UBE2L3: variants seen among roughly 807,000 people sequenced by gnomAD.
UBE2L3 encodes ubiquitin conjugating enzyme E2 L3, also known as ubiquitin-conjugating enzyme E2 L3.
UBE2L3 carries 1 observed loss-of-function variant against 17.8 expected under a neutral mutation model. That is an observed-to-expected ratio of 0.06 (90% CI 0.02 to 0.27). The LOEUF is 0.27. UBE2L3 is among the 10% of genes least tolerant of loss of function. The pLI is 1.00. For missense variants in UBE2L3, 40 were observed against 192.6 expected (o/e 0.21, Z 4.69); for synonymous variants, 44 against 68.5 (o/e 0.64, Z 1.76).
At chr22:21,620,706 G>T (rs1173246436) in intron 3 of UBE2L3, among the ~76,000 whole-genome samples, 2 of 152,272 alleles carry the variant, frequency 1.3e-5, no homozygotes, top group East Asian at 3.9e-4. Context: ...TGCGATGGCG[G>T]TTGTCAGCTT....
At chr22:21,585,165 C>T (rs1193848433) in intron 1 of UBE2L3, among the ~76,000 whole-genome samples, 2 of 152,132 alleles carry the variant, frequency 1.3e-5, no homozygotes, top group African/African-American at 2.4e-5. Flanking sequence ...ATGTGGTCTT[C>T]TAAAGTATGG....
chr22:21,567,779 C>A lies in UBE2L3; in HGVS notation c.27+8C>A. ...AGCAGGAGGCTGATGAAGGTAAAAGCCATTCTCTGGCAGCGGCCGGGCGTG... is the reference window on the plus strand; with the variant it reads ...AGCAGGAGGCTGATGAAGGTAAAAGACATTCTCTGGCAGCGGCCGGGCGTG... On this transcript the variant is annotated splice_region_variant and intron_variant, in intron 1 of 3. Coordinates refer to ENST00000342192, the MANE Select transcript of UBE2L3 (RefSeq NM_003347.4). The A allele has an allele frequency of 6.3e-7, 1 of 1,580,864 alleles. No homozygotes were observed. The highest frequency in any genetic ancestry group is 8.6e-7 in the Non-Finnish European group (1 of 1,164,796).
Position 21,554,738 on chromosome 22 carries a change from C to T in UBE2L3, c.201+5088C>T, listed in dbSNP as rs1205639501. Among the ~76,000 whole-genome samples the T allele has an allele frequency of 1.0e-4, 14 of 139,552 alleles. No homozygotes were observed. In the East Asian group the frequency reaches 2.9e-3, roughly 29 times the overall value. 91.6% of individuals were successfully genotyped at this position (139,552 alleles called of 152,430 possible). A position where few individuals can be genotyped will look rare whatever the true frequency, so the allele number is the denominator to read the frequency against. On this transcript the variant is annotated intron_variant, in intron 1 of 3. Transcript: ENST00000458578. ...GAGCTCACCATGCTGCTGCCTTCTCCAGGTTCAACTTTCTCACCTATTAAA... is the reference window on the plus strand; with the variant it reads ...GAGCTCACCATGCTGCTGCCTTCTCTAGGTTCAACTTTCTCACCTATTAAA...
chr22:21,604,447 T>C (rs1298758738), intron 2 of UBE2L3, among the ~76,000 whole-genome samples: 1 of 152,112 alleles, frequency 6.6e-6, no homozygotes, highest in Non-Finnish European at 1.5e-5. Context: ...GTTGCAGTGC[T>C]GAGATCCCAC....
intron 1 of UBE2L3, among the ~76,000 whole-genome samples, chr22:21,557,786 G>C: frequency 6.6e-6 from 1 of 152,376 alleles, no homozygotes; most frequent in East Asian, 1.9e-4. Flanking sequence ...CTTCCAAAGT[G>C]CTGGGATTAC....
chr22:21,575,776 TG>T (rs1190350485), intron 1 of UBE2L3, among the ~76,000 whole-genome samples: 1 of 148,992 alleles, frequency 6.7e-6, no homozygotes, highest in Non-Finnish European at 1.5e-5. Context: ...CCCGAGTAGC[TG>T]GAACTACAGA....
At chr22:21,620,486 A>G (rs1929991054) in intron 3 of UBE2L3, among the ~76,000 whole-genome samples, 1 of 152,176 alleles carries the variant, frequency 6.6e-6, no homozygotes, top group Non-Finnish European at 1.5e-5. Context: ...ACTGTTTTAC[A>G]GTGGGAAGGA....
intron 2 of UBE2L3, among the ~76,000 whole-genome samples, chr22:21,604,761 A>G (rs1929058818): frequency 6.6e-6 from 1 of 152,118 alleles, no homozygotes; most frequent in African/African-American, 2.4e-5. Flanking sequence ...CTCTTTCACC[A>G]AAAATCTCTG....
chr22:21,617,172 A>C (rs561309842), intron 3 of UBE2L3, among the ~76,000 whole-genome samples: 1 of 151,642 alleles, frequency 6.6e-6, no homozygotes, highest in East Asian at 1.9e-4. Context: ...AAGAAAAGGA[A>C]CAAAAGGAAG....
At chr22:21,602,873 TG>T (rs539263085) in intron 2 of UBE2L3, among the ~76,000 whole-genome samples, 40 of 152,052 alleles carry the variant, frequency 2.6e-4, no homozygotes, top group Non-Finnish European at 5.4e-4. Context: ...CCTGCAGATG[TG>T]GGGGGTTGTG....
At chr22:21,610,657 A>G (rs997948954) in intron 2 of UBE2L3, among the ~76,000 whole-genome samples, 200 bp from the exon 3 acceptor site, 1 of 152,214 alleles carries the variant, frequency 6.6e-6, no homozygotes, top group African/African-American at 2.4e-5. Context: ...ATCAATCTCA[A>G]GCCCCTTCTC....
At chr22:21,567,331 T>G (rs763225570), upstream of UBE2L3, among the ~76,000 whole-genome samples, 38 of 152,146 alleles carry the variant, frequency 2.5e-4, no homozygotes, top group Non-Finnish European at 4.9e-4. Flanking sequence ...GCCTGGCTAA[T>G]TTTTTGTATT....
chr22:21,558,661 T>G (rs1390617118), intron 1 of UBE2L3, among the ~76,000 whole-genome samples: 1 of 152,058 alleles, frequency 6.6e-6, no homozygotes, highest in Non-Finnish European at 1.5e-5. Context: ...ACTTAATTTT[T>G]TTTTTTTTTG....
At chr22:21,581,055 ATT>A (rs576111528) in intron 1 of UBE2L3, among the ~76,000 whole-genome samples, 10 of 130,786 alleles carry the variant, frequency 7.6e-5, no homozygotes, top group African/African-American at 1.1e-4. Flanking sequence ...TGCCCGGCTA[ATT>A]TTTTTTTTTT....
upstream of UBE2L3, among the ~76,000 whole-genome samples, chr22:21,564,573 CA>C (rs879404192): frequency 5.9e-5 from 9 of 152,158 alleles, no homozygotes; most frequent in Non-Finnish European, 1.2e-4. Flanking sequence ...TCCCCACCTG[CA>C]AAGTGCAAGG....
chr22:21,606,678 C>T (rs887080641), intron 2 of UBE2L3, among the ~76,000 whole-genome samples: 10 of 151,976 alleles, frequency 6.6e-5, no homozygotes, highest in Non-Finnish European at 1.2e-4. Flanking sequence ...AGTGAGACGC[C>T]ATCACTATAA....
chr22:21,615,448 G>A (rs1406584407), intron 3 of UBE2L3, among the ~76,000 whole-genome samples: 2 of 151,556 alleles, frequency 1.3e-5, no homozygotes, highest in East Asian at 1.9e-4. Flanking sequence ...CCAGCTACTC[G>A]GGAGGCTGAG....
At chr22:21,612,949 T>C (rs1467680294) in intron 3 of UBE2L3, among the ~76,000 whole-genome samples, 1 of 152,166 alleles carries the variant, frequency 6.6e-6, no homozygotes, top group Non-Finnish European at 1.5e-5. Flanking sequence ...CCTGGTTTTT[T>C]TCTGTACAGA....
chr22:21,558,847 A>C (rs1926332000), intron 1 of UBE2L3, among the ~76,000 whole-genome samples: 1 of 151,962 alleles, frequency 6.6e-6, no homozygotes, highest in African/African-American at 2.4e-5. Context: ...TGTCTCCTCC[A>C]TGTCTAGAAC....
Sources: gnomAD v4.1 joint callset for allele counts (sites outside exome capture counted in the v4.1 genomes callset) on GRCh38, gnomAD v4.1.1 for gene constraint, MANE v1.5 for transcripts, NCBI Gene and HGNC (gene_info 2026-07-23, HGNC 2026-07-21) for gene names.